The following KAZN variants were observed in gnomAD, a reference collection of about 807,000 sequenced individuals.
The protein encoded by KAZN is kazrin, periplakin interacting protein.
In KAZN, 40 loss-of-function variants were observed where a neutral mutation model predicts 87.4. That is an observed-to-expected ratio of 0.46 (90% CI 0.36 to 0.60). KAZN has a LOEUF of 0.60. KAZN is among the 20% of genes least tolerant of loss of function. The probability of loss-of-function intolerance (pLI) is 0.00; values close to 1 mark genes in which losing one functional copy is unlikely to be tolerated. For missense variants in KAZN, 898 were observed against 1,073.9 expected (o/e 0.84, Z 2.29); for synonymous variants, 466 against 458.3 (o/e 1.02, Z -0.22).
At chr1:14,546,738 A>G (rs1450472402) in intron 2 of KAZN, among the ~76,000 whole-genome samples, 1 of 152,224 alleles carries the variant, frequency 6.6e-6, no homozygotes, top group Admixed American at 6.5e-5. Flanking sequence ...CTTTCCTAGG[A>G]AAATCAGACC....
intron 1 of KAZN, among the ~76,000 whole-genome samples, chr1:14,688,770 C>T (rs1448528009): frequency 2.0e-5 from 3 of 152,192 alleles, no homozygotes; most frequent in Non-Finnish European, 4.4e-5. Flanking sequence ...TTTTAATTCA[C>T]GGATGTATTG....
intron 1 of KAZN, among the ~76,000 whole-genome samples, chr1:14,829,782 A>G (rs553605460): frequency 8.2e-4 from 125 of 152,344 alleles, no homozygotes; most frequent in Admixed American, 1.6e-3. Flanking sequence ...CAGAGCATAG[A>G]AGGTAAGCCT....
intron 1 of KAZN, among the ~76,000 whole-genome samples, chr1:13,959,646 G>A (rs573846988): frequency 7.2e-5 from 11 of 152,212 alleles, no homozygotes; most frequent in African/African-American, 2.2e-4. Context: ...CCACATGAGC[G>A]CCTATGCATC....
At chr1:14,597,343 T>C (rs1400457729), upstream of KAZN, among the ~76,000 whole-genome samples, 1 of 152,126 alleles carries the variant, frequency 6.6e-6, no homozygotes, top group African/African-American at 2.4e-5. Flanking sequence ...AGCAAGACTG[T>C]TTTTATGGTT....
intron 1 of KAZN, among the ~76,000 whole-genome samples, chr1:14,177,773 T>C (rs969769456): frequency 6.7e-6 from 1 of 150,350 alleles, no homozygotes; most frequent in African/African-American, 2.5e-5. Flanking sequence ...TAAGATTTTC[T>C]CATTTTCACT....
Position 14,530,354 on chromosome 1 carries a change from G to T in KAZN, c.250-68629G>T, listed in dbSNP as rs1672141506. ...TAGGTTTTATCCGTCTCTGCCATCA[G>T]TGGACTGCAGCCTTCCTAAGCCAGA... On this transcript the variant is annotated intron_variant, in intron 2 of 16. Coordinates refer to the KAZN transcript ENST00000636203. Among the ~76,000 whole-genome samples, 5 of 152,220 alleles carry T rather than the reference G, an allele frequency of 3.3e-5. No homozygotes were observed. The South Asian group carries it at 1.0e-3, about 32-fold the overall frequency.
intron 1 of KAZN, among the ~76,000 whole-genome samples, chr1:13,998,611 A>AT (rs1375540413): frequency 1.4e-5 from 2 of 146,572 alleles, no homozygotes; most frequent in Middle Eastern, 7.0e-3. Flanking sequence ...ACCAAGAAAG[A>AT]TAAAAAAAAA....
intron 1 of KAZN, among the ~76,000 whole-genome samples, chr1:14,647,208 C>T (rs745568233): frequency 6.6e-6 from 1 of 152,096 alleles, no homozygotes; most frequent in Non-Finnish European, 1.5e-5. Context: ...GCAGTTTTTC[C>T]GTTGCATGAA....
At chr1:14,750,632 G>C (rs1572390913) in intron 1 of KAZN, among the ~76,000 whole-genome samples, 1 of 147,700 alleles carries the variant, frequency 6.8e-6, no homozygotes, top group South Asian at 2.1e-4. Flanking sequence ...AAACCCATTT[G>C]TCTTCCATTT....
At chr1:14,671,483 A>G (rs1408657441) in intron 1 of KAZN, among the ~76,000 whole-genome samples, 3 of 151,832 alleles carry the variant, frequency 2.0e-5, no homozygotes, top group Admixed American at 2.0e-4. Context: ...CCCCATTCAC[A>G]AAACATATTA....
At chr1:14,219,579 T>C (rs941368490) in intron 2 of KAZN, among the ~76,000 whole-genome samples, 2 of 152,168 alleles carry the variant, frequency 1.3e-5, no homozygotes, top group Non-Finnish European at 2.9e-5. Context: ...ATTCTACAAA[T>C]ATTTCATGAA....
intron 1 of KAZN, among the ~76,000 whole-genome samples, chr1:14,840,075 T>G (rs1217358960): frequency 6.7e-6 from 1 of 148,866 alleles, no homozygotes; most frequent in East Asian, 2.0e-4. Context: ...CACCTGGCAC[T>G]GCAGAAAACT....
intron 1 of KAZN, among the ~76,000 whole-genome samples, chr1:14,098,622 G>A (rs1644181420): frequency 6.6e-6 from 1 of 152,140 alleles, no homozygotes; most frequent in South Asian, 2.1e-4. Flanking sequence ...TGCCCAGACT[G>A]CATTACCCTT....
intron 2 of KAZN, among the ~76,000 whole-genome samples, chr1:15,011,296 C>G (rs1044348933): frequency 2.0e-5 from 3 of 152,212 alleles, no homozygotes; most frequent in African/African-American, 4.8e-5. Context: ...CTCTTGTTAT[C>G]TCTAAATCCC....
At chr1:14,765,598 C>G (rs918099238) in intron 1 of KAZN, among the ~76,000 whole-genome samples, 21 of 152,148 alleles carry the variant, frequency 1.4e-4, no homozygotes, top group African/African-American at 5.1e-4. Context: ...ACAGGGAGAG[C>G]CTTCAGACAG....
intron 2 of KAZN, among the ~76,000 whole-genome samples, chr1:14,275,100 T>C (rs1452268985): frequency 6.6e-6 from 1 of 152,206 alleles, no homozygotes; most frequent in African/African-American, 2.4e-5. Context: ...CAAACAGCCA[T>C]GTTCCCACCA....
At chr1:14,687,541 GC>G (rs1201632520) in intron 1 of KAZN, among the ~76,000 whole-genome samples, 1 of 152,204 alleles carries the variant, frequency 6.6e-6, no homozygotes, top group Non-Finnish European at 1.5e-5. Flanking sequence ...GGCAGCCCAG[GC>G]CCCAGCAAAG....
chr1:14,463,356 G>T (rs1357589762), intron 2 of KAZN, among the ~76,000 whole-genome samples: 2 of 152,102 alleles, frequency 1.3e-5, no homozygotes, highest in Non-Finnish European at 2.9e-5. Flanking sequence ...GGTCAGCAGG[G>T]TTGTGAACAG....
chr1:14,344,160 A>ATTT (rs751631785), intron 2 of KAZN, among the ~76,000 whole-genome samples: 2 of 92,778 alleles, frequency 2.2e-5, no homozygotes, highest in African/African-American at 5.2e-5. Flanking sequence ...CCATTCATGT[A>ATTT]TTCTTTTTTT....
Sources: allele counts gnomAD v4.1 joint callset (sites outside exome capture counted in the v4.1 genomes callset), GRCh38; gene constraint gnomAD v4.1.1; transcripts MANE v1.5; gene names NCBI Gene and HGNC (gene_info 2026-07-23, HGNC 2026-07-21).